The following MAP4K4 variants were observed in gnomAD, a reference collection of about 807,000 sequenced individuals.
MAP4K4 encodes the protein mitogen-activated protein kinase kinase kinase kinase 4.
In MAP4K4, 38 loss-of-function variants were observed where a neutral mutation model predicts 189.6. The ratio of observed to expected loss-of-function variants is 0.20; its 90% CI spans 0.15 to 0.26. The LOEUF (loss-of-function observed/expected upper bound fraction) is 0.26, where lower values mean the gene tolerates loss of function less well. MAP4K4 is among the 10% of genes least tolerant of loss of function. MAP4K4 has a pLI of 1.00. For synonymous variants in MAP4K4, 610 were observed against 624.3 expected, an observed-to-expected ratio of 0.98 and a Z score of 0.34; for missense variants, 1,054 against 1,726.9, an observed-to-expected ratio of 0.61 and a Z score of 6.91.
At chr2:101,796,685 T>C (rs2148900575) in intron 3 of MAP4K4, among the ~76,000 whole-genome samples, 1 of 152,310 alleles carries the variant, frequency 6.6e-6, no homozygotes, top group South Asian at 2.1e-4. Context: ...AGACTTTCTT[T>C]TAGTTTTAAG....
At chr2:101,803,936 G>T (rs1424173255) in intron 3 of MAP4K4, among the ~76,000 whole-genome samples, 1 of 152,286 alleles carries the variant, frequency 6.6e-6, no homozygotes, top group East Asian at 1.9e-4. Context: ...TCTAAAATGG[G>T]ATTAGGGAGC....
At chr2:101,803,245 A>ATGATG (rs1553484242) in intron 3 of MAP4K4, among the ~76,000 whole-genome samples, 4,493 of 150,324 alleles carry the variant, frequency 0.03, 238 homozygotes, top group African/African-American at 0.1. Flanking sequence ...GATGATGATG[A>ATGATG]TGTGTGTGTG....
chr2:101,706,937 T>C (rs1462789012), intron 2 of MAP4K4, among the ~76,000 whole-genome samples: 1 of 152,170 alleles, frequency 6.6e-6, no homozygotes, highest in East Asian at 1.9e-4. Flanking sequence ...AGGGACTAAA[T>C]CTCTGGTTTC....
chr2:101,711,973 CTTTT>C (rs57205012), intron 2 of MAP4K4, among the ~76,000 whole-genome samples: 7 of 122,376 alleles, frequency 5.7e-5, no homozygotes, highest in Non-Finnish European at 1.2e-4. Flanking sequence ...CTGTCTTGCC[CTTTT>C]TTTTTTTTTT....
At chr2:101,785,306 G>A (rs1394502306) in intron 2 of MAP4K4, among the ~76,000 whole-genome samples, 3 of 152,192 alleles carry the variant, frequency 2.0e-5, no homozygotes, top group Non-Finnish European at 2.9e-5. Context: ...GTTGAGTCAC[G>A]TGCACTTTCT....
chr2:101,719,927 G>C (rs975846922), intron 2 of MAP4K4, among the ~76,000 whole-genome samples: 1 of 152,036 alleles, frequency 6.6e-6, no homozygotes, highest in African/African-American at 2.4e-5. Context: ...CAGGAGAATT[G>C]CTTGTACCTG....
At chr2:101,882,226 T>TAAA (rs1458750306) in intron 27 of MAP4K4, among the ~76,000 whole-genome samples, 12 of 152,260 alleles carry the variant, frequency 7.9e-5, no homozygotes, top group African/African-American at 2.4e-4. Flanking sequence ...ATTACTGTTT[T>TAAA]AACACACGTT....
chr2:101,871,793 C>A (rs2098033502), intron 24 of MAP4K4, 108 bp downstream of exon 24: 3 of 1,012,060 alleles, frequency 3.0e-6, no homozygotes, highest in African/African-American at 3.2e-5. Flanking sequence ...TCCCTTCCCA[C>A]CCTGCTTTCT....
exon 33 of MAP4K4, chr2:101,892,662 G>A (rs2098586510): frequency 3.1e-6 from 1 of 323,398 alleles, no homozygotes; most frequent in Non-Finnish European, 6.1e-6. Flanking sequence ...TTCATAAAGT[G>A]GGCATCTTCT....
intron 3 of MAP4K4, chr2:101,797,377 TG>T (rs1323237055): frequency 7.7e-7 from 1 of 1,290,662 alleles, no homozygotes; most frequent in Non-Finnish European, 1.0e-6. Flanking sequence ...CATTCAACGT[TG>T]TCAGGGTGAG....
At chr2:101,789,965 C>G (rs1330056582) in intron 2 of MAP4K4, among the ~76,000 whole-genome samples, 1 of 152,084 alleles carries the variant, frequency 6.6e-6, no homozygotes, top group Admixed American at 6.6e-5. Context: ...AGAAACCTGT[C>G]TCCCTCATCC....
intron 12 of MAP4K4, among the ~76,000 whole-genome samples, chr2:101,849,439 A>G (rs2097209717): frequency 6.6e-6 from 1 of 152,076 alleles, no homozygotes; most frequent in African/African-American, 2.4e-5. Flanking sequence ...AAAAAGTTTT[A>G]ATACTACTTT....
chr2:101,866,366 G>A lies in MAP4K4; in HGVS notation c.2205-62G>A, dbSNP rs2097815903. On this transcript the variant is annotated intron_variant, in intron 18 of 32. Transcript: ENST00000324219. ...GGATGGGCACACCATGCACATGTTG[G>A]TAATTTGGTGCTGCATCTAGAGATG... The A allele has an allele frequency of 3.3e-6, 5 of 1,524,590 alleles. No individual in the cohort carries two copies. The Admixed American group carries it at 8.8e-5, about 27-fold the overall frequency. The allele number at this position is 1,524,590 out of a possible 1,614,324, so 94.4% of individuals were successfully genotyped here. A position where few individuals can be genotyped will look rare whatever the true frequency, so the allele number is the denominator to read the frequency against.
exon 22 of MAP4K4, chr2:101,869,663 T>A (rs1443416958): frequency 9.9e-6 from 16 of 1,610,100 alleles, no homozygotes; most frequent in Non-Finnish European, 1.4e-5. Flanking sequence ...CAGTGGAAGA[T>A]GTACGGCCAC....
At chr2:101,803,564 C>T (rs1363501114) in intron 3 of MAP4K4, among the ~76,000 whole-genome samples, 1 of 152,144 alleles carries the variant, frequency 6.6e-6, no homozygotes, top group Non-Finnish European at 1.5e-5. Flanking sequence ...AGTTTACATT[C>T]TCTTCATAGG....
intron 3 of MAP4K4, among the ~76,000 whole-genome samples, chr2:101,803,294 TC>T (rs2094568371): frequency 7.0e-6 from 1 of 142,500 alleles, no homozygotes; most frequent in African/African-American, 3.1e-5. Flanking sequence ...TGTGTGTGTG[TC>T]TGTCTGTGTC....
At chr2:101,698,059 T>A (rs746285480) in exon 1 of MAP4K4, 38 of 1,324,714 alleles carry the variant, frequency 2.9e-5, no homozygotes, top group Non-Finnish European at 3.4e-5. Flanking sequence ...TGTTATTTGT[T>A]TTTTGGTGGC....
At chr2:101,800,234 A>G (rs1019137021) in intron 3 of MAP4K4, among the ~76,000 whole-genome samples, 7 of 151,988 alleles carry the variant, frequency 4.6e-5, no homozygotes, top group African/African-American at 1.7e-4. Flanking sequence ...GGCTCAAGAG[A>G]TCTTCCCACC....
At chr2:101,871,507 A>C in exon 24 of MAP4K4, 1 of 1,535,000 alleles carries the variant, frequency 6.5e-7, no homozygotes, top group Non-Finnish European at 8.7e-7. Flanking sequence ...ACAGTTGACC[A>C]AAAGCGTGCC....
Sources: allele counts gnomAD v4.1 joint callset (sites outside exome capture counted in the v4.1 genomes callset), GRCh38; gene constraint gnomAD v4.1.1; transcripts MANE v1.5; gene names NCBI Gene and HGNC (gene_info 2026-07-23, HGNC 2026-07-21).